The following RAB5IF variants were observed in gnomAD, a reference collection of about 807,000 sequenced individuals.
The protein encoded by RAB5IF is RAB5 interacting factor.
A neutral mutation model predicts 20.3 loss-of-function variants in RAB5IF; 15 were observed. The observed-to-expected ratio is 0.74, with a 90% confidence interval of 0.50 to 1.14. The LOEUF (loss-of-function observed/expected upper bound fraction) is 1.14, where lower values mean the gene tolerates loss of function less well. RAB5IF is among the 50% of genes most tolerant of loss of function. The probability of loss-of-function intolerance (pLI) is 0.00; values close to 1 mark genes in which losing one functional copy is unlikely to be tolerated. For synonymous variants in RAB5IF, 67 were observed against 63.7 expected (o/e 1.05, Z -0.25); for missense variants, 148 against 159.5 (o/e 0.93, Z 0.39).
intron 2 of RAB5IF, among the ~76,000 whole-genome samples, chr20:36,608,552 C>T (rs1204998690): frequency 7.0e-6 from 1 of 141,930 alleles, no homozygotes; most frequent in Non-Finnish European, 1.5e-5. Context: ...GCATCGGTCT[C>T]ATTCTTTTTT....
intron 2 of RAB5IF, 44 bp downstream of exon 2, chr20:36,607,862 T>C: frequency 6.2e-7 from 1 of 1,609,922 alleles, no homozygotes; most frequent in Non-Finnish European, 8.5e-7. Flanking sequence ...CATTTCTTTT[T>C]AAATAGAGGC....
In RAB5IF at chr20:36,607,220, A is replaced by G. The variant is rs149024579; in HGVS notation, c.115-495A>G. The stretch of plus-strand genomic sequence containing the variant: ...CCTCTAGAATTTTGATTTAGAGCAC[A>G]GATTCTGGAAGTGATCGCTTAATGA... On this transcript the variant is annotated intron_variant, in intron 1 of 3. Coordinates refer to ENST00000344795, the MANE Select transcript of RAB5IF (RefSeq NM_018840.5). Among the ~76,000 whole-genome samples, 447 of 151,802 alleles carry G rather than the reference A, an allele frequency of 2.9e-3. 3 individuals carry two copies. Among genetic ancestry groups the G allele is most frequent in the Middle Eastern group, 0.01 (3 of 292 alleles).
Position 36,609,791 on chromosome 20 carries a change from G to A in RAB5IF, c.348+61G>A, listed in dbSNP as rs184882088. 3.7e-6 allele frequency: 6 copies of A among 1,613,864 alleles called. No individual in the cohort carries two copies. The Admixed American group carries it at 8.3e-5, about 22-fold the overall frequency. ...TCATTTCATGAGGTGTCACTCACAG[G>A]AGGGGACCCCACTGATTGAGTTACA... On this transcript the variant is annotated intron_variant, in intron 3 of 3. Coordinates refer to ENST00000344795, the MANE Select transcript of RAB5IF (RefSeq NM_018840.5).
chr20:36,606,821 G>A (rs1318029319), intron 1 of RAB5IF, among the ~76,000 whole-genome samples: 3 of 152,170 alleles, frequency 2.0e-5, no homozygotes, highest in Non-Finnish European at 4.4e-5. Flanking sequence ...CTTGATTCCA[G>A]GTAGCTTGAA....
Position 36,612,060 on chromosome 20 carries a change from A to G in RAB5IF, c.*9A>G, listed in dbSNP as rs369227155. 4 of 1,614,060 alleles carry G rather than the reference A, an allele frequency of 2.5e-6. 1 individual carries two copies. The highest frequency in any genetic ancestry group is 3.4e-6 in the Non-Finnish European group (4 of 1,180,052). On this transcript the variant is annotated 3_prime_UTR_variant, in exon 4 of 4. Coordinates refer to ENST00000344795, the MANE Select transcript of RAB5IF (RefSeq NM_018840.5). Reference sequence around the variant, plus strand: ...CCATCCATTATGACTGATGGTGTACAGCTCCCAAGTGCTCCCTATCCAGTC... The same window carrying G: ...CCATCCATTATGACTGATGGTGTACGGCTCCCAAGTGCTCCCTATCCAGTC...
chr20:36,608,208 T>A, intron 2 of RAB5IF: 1 of 301,978 alleles, frequency 3.3e-6, no homozygotes, highest in Non-Finnish European at 6.6e-6. Context: ...GTGCTTAATG[T>A]CCTAAACCTT....
At chr20:36,610,373 T>C (rs951672904) in intron 3 of RAB5IF, among the ~76,000 whole-genome samples, 3 of 152,116 alleles carry the variant, frequency 2.0e-5, no homozygotes, top group Admixed American at 1.3e-4. Flanking sequence ...TAAGATACTA[T>C]GTATCCATAC....
chr20:36,608,690 A>G (rs1476390729), intron 2 of RAB5IF, among the ~76,000 whole-genome samples: 1 of 151,102 alleles, frequency 6.6e-6, no homozygotes, highest in African/African-American at 2.4e-5. Context: ...CAGACTCCCA[A>G]GTAGCTGGGA....
intron 2 of RAB5IF, chr20:36,608,044 C>T: frequency 8.0e-7 from 1 of 1,250,284 alleles, no homozygotes; most frequent in Non-Finnish European, 1.1e-6. Flanking sequence ...CTGGGCCAGT[C>T]CATTCATTCA....
intron 3 of RAB5IF, 98 bp from the exon 4 acceptor site, chr20:36,611,912 A>C (rs2039132719): frequency 6.7e-7 from 1 of 1,500,774 alleles, no homozygotes; most frequent in Non-Finnish European, 9.2e-7. Context: ...GCCCCTGGAG[A>C]GTGCCCCGTG....
At chr20:36,609,192 C>CACACACACACACACATACATACATAT (rs2039025189) in intron 2 of RAB5IF, among the ~76,000 whole-genome samples, 1 of 52,242 alleles carries the variant, frequency 1.9e-5, no homozygotes, top group Non-Finnish European at 3.6e-5. Flanking sequence ...CACACACACA[C>CACACACACACACACATACATACATAT]ACGCACACAC....
chr20:36,609,263 T>TAG (rs1450093551), intron 2 of RAB5IF, among the ~76,000 whole-genome samples: 1 of 125,826 alleles, frequency 7.9e-6, no homozygotes, highest in African/African-American at 3.0e-5. Flanking sequence ...ACACTATATA[T>TAG]AGAGTTTCGC....
At chr20:36,609,256 C>CTA (rs60707085) in intron 2 of RAB5IF, among the ~76,000 whole-genome samples, 4,292 of 121,416 alleles carry the variant, frequency 0.035, 152 homozygotes, top group South Asian at 0.047. Flanking sequence ...CACACACACA[C>CTA]TATATATAGA....
At chr20:36,608,824 C>A (rs544311339) in intron 2 of RAB5IF, among the ~76,000 whole-genome samples, 1 of 151,962 alleles carries the variant, frequency 6.6e-6, no homozygotes, top group Non-Finnish European at 1.5e-5. Context: ...CTTGGCCTCC[C>A]AAAGTGCTGG....
intron 3 of RAB5IF, 56 bp from the exon 4 acceptor site, chr20:36,611,954 G>A: frequency 6.2e-7 from 1 of 1,603,726 alleles, no homozygotes; most frequent in Non-Finnish European, 8.5e-7. Context: ...TTTGTTTTGT[G>A]GAATCGGCCT....
chr20:36,609,637 CTT>C lies in RAB5IF; in HGVS notation c.256_257del (p.Phe86GlnfsTer7). ...TCAATGCAGGAGTCCTGTACCTCTACTTCAGCAATTACCTACAGATTGATGAG... is the reference window on the plus strand; with the variant it reads ...TCAATGCAGGAGTCCTGTACCTCTACCAGCAATTACCTACAGATTGATGAG... Reference protein sequence around the residue: ...LINAGVLYLYFSNYLQIDEEE... With the variant: ...LINAGVLYLYXSNYLQIDEEE... On this transcript the variant is annotated frameshift_variant, in exon 3 of 4. Transcript: ENST00000344795. LOFTEE classifies it high-confidence loss of function. The C allele has an allele frequency of 4.3e-6, 7 of 1,612,480 alleles. No homozygotes were observed. Among genetic ancestry groups the C allele is most frequent in the Non-Finnish European group, 5.9e-6 (7 of 1,179,024 alleles).
At chr20:36,608,015 C>T (rs948560759) in intron 2 of RAB5IF, 197 bp downstream of exon 2, 236 of 1,420,146 alleles carry the variant, frequency 1.7e-4, no homozygotes, top group Non-Finnish European at 2.2e-4. Flanking sequence ...GGCAGGTTAC[C>T]TTCCTGCCTT....
In RAB5IF at chr20:36,609,077, C is replaced by T. The variant is rs1600803005; in HGVS notation, c.219-524C>T. 2.0e-5 allele frequency among the ~76,000 whole-genome samples: 3 copies of T among 151,028 alleles called. No individual in the cohort carries two copies. In the Admixed American group the frequency reaches 2.0e-4, roughly 10 times the overall value. ...CATAGCCACACCCTAGCTGGAGCTA[C>T]CTGGAGGCCCATGTCAGGTCCCGCT... On this transcript the variant is annotated intron_variant, in intron 2 of 3. Transcript: ENST00000344795.
In RAB5IF at chr20:36,612,151, G is replaced by C; in HGVS notation, c.*100G>C. 3 of 1,614,164 alleles carry C rather than the reference G, an allele frequency of 1.9e-6. No individual in the cohort carries two copies. The highest frequency in any genetic ancestry group is 1.6e-4 in the Middle Eastern group (1 of 6,062). ...GGGGAACCCCAGCCCCTTGGAACTT[G>C]GAAGACCCGTGTTTCCTGGACCGCG... On this transcript the variant is annotated 3_prime_UTR_variant, in exon 4 of 4. Transcript: ENST00000344795.
Sources: gnomAD v4.1 joint callset for allele counts (sites outside exome capture counted in the v4.1 genomes callset) on GRCh38, gnomAD v4.1.1 for gene constraint, MANE v1.5 for transcripts, NCBI Gene and HGNC (gene_info 2026-07-23, HGNC 2026-07-21) for gene names.